STS: variants seen among roughly 807,000 people sequenced by gnomAD.
STS encodes the protein steroid sulfatase, also known as steryl-sulfatase.
STS carries 7 observed loss-of-function variants against 26.8 expected under a neutral mutation model. That is an observed-to-expected ratio of 0.26 (90% CI 0.15 to 0.49). STS has a LOEUF of 0.49. Ranked by LOEUF, STS falls within the 20% of genes least tolerant of loss-of-function variation. The pLI is 0.98. For synonymous variants in STS, 199 were observed against 189.4 expected, an observed-to-expected ratio of 1.05 and a Z score of -0.42; for missense variants, 434 against 465.6, an observed-to-expected ratio of 0.93 and a Z score of 0.63.
chrX:7,207,594 C>G (rs2147035445), intron 2 of STS, among the ~76,000 whole-genome samples: 1 of 111,450 alleles, frequency 9.0e-6, no homozygotes, highest in East Asian at 2.8e-4. Context: ...ATAACCAAGT[C>G]CCAGTAGGAA....
intron 6 of STS, among the ~76,000 whole-genome samples, chrX:7,271,566 T>A (rs1465608725): frequency 9.0e-6 from 1 of 111,031 alleles, no homozygotes; most frequent in African/African-American, 3.3e-5. Context: ...AGTCATCAGC[T>A]AGGATGACAA....
intron 2 of STS, among the ~76,000 whole-genome samples, chrX:7,220,579 C>A (rs1401483176): frequency 1.1e-5 from 1 of 88,231 alleles, no homozygotes; most frequent in Non-Finnish European, 2.1e-5. Flanking sequence ...GATGGAGTCT[C>A]GCTCTGTCTC....
rs139860511 is a variant in STS at position 7,222,901 on chromosome X, A to G, written c.-4-30295A>G. On this transcript the variant is annotated intron_variant, in intron 2 of 10. Coordinates refer to ENST00000674429, the MANE Select transcript of STS (RefSeq NM_001320752.2). Reference sequence around the variant, plus strand: ...AAGTAATTTTTCAACCCTCACTCCTATCTCACTGCCCACCTTTTATACTCT... The same window carrying G: ...AAGTAATTTTTCAACCCTCACTCCTGTCTCACTGCCCACCTTTTATACTCT... Among the ~76,000 whole-genome samples the G allele has an allele frequency of 4.0e-3, 445 of 111,511 alleles. 2 individuals are homozygous for G. Among genetic ancestry groups the G allele is most frequent in the African/African-American group, 0.014 (431 of 30,701 alleles).
In STS at chrX:7,279,309, A is replaced by G. The variant is rs866451411; in HGVS notation, c.943+3222A>G. Among the ~76,000 whole-genome samples, 63 of 34,256 alleles carry G rather than the reference A, an allele frequency of 1.8e-3. 2 individuals are homozygous for G. The highest frequency in any genetic ancestry group is 4.9e-3 in the African/African-American group (53 of 10,924). The allele number at this position is 34,256 out of a possible 115,157, so 29.7% of individuals were successfully genotyped here. A position where few individuals can be genotyped will look rare whatever the true frequency, so the allele number is the denominator to read the frequency against. ...AAAAAAAAAATATATATATATATAT[A>G]TATGTGTGTGTGTGTGTGTGTGTGT... On this transcript the variant is annotated intron_variant, in intron 7 of 10. Coordinates refer to ENST00000674429, the MANE Select transcript of STS (RefSeq NM_001320752.2).
At chrX:7,325,650 G>C (rs1927407886) in intron 9 of STS, 152 bp downstream of exon 9, 2 of 614,829 alleles carry the variant, frequency 3.3e-6, no homozygotes, top group Non-Finnish European at 5.4e-6. Context: ...CAATTAATAG[G>C]ATAAAAGGCA....
At chrX:7,149,020 G>A (rs1313988418) in intron 1 of STS, among the ~76,000 whole-genome samples, 1 of 109,613 alleles carries the variant, frequency 9.1e-6, no homozygotes, top group Non-Finnish European at 1.9e-5. Flanking sequence ...GTTCGTTTAT[G>A]TGGTATATTC....
chrX:7,156,748 C>G (rs1299206810), intron 1 of STS, among the ~76,000 whole-genome samples: 5 of 111,973 alleles, frequency 4.5e-5, no homozygotes, highest in African/African-American at 9.8e-5. Context: ...AAATGGGAAG[C>G]GAATGATAAT....
intron 8 of STS, among the ~76,000 whole-genome samples, chrX:7,314,850 G>A (rs1358034605): frequency 2.7e-5 from 3 of 112,093 alleles, no homozygotes; most frequent in Non-Finnish European, 5.6e-5. Context: ...ATGTGGCCAC[G>A]GTGGGTAACT....
intron 2 of STS, among the ~76,000 whole-genome samples, chrX:7,194,337 A>G (rs1241988139): frequency 1.8e-5 from 2 of 111,520 alleles, no homozygotes; most frequent in South Asian, 3.8e-4. Context: ...AATATTTTAC[A>G]TACCAGTCTT....
At chrX:7,306,692 G>T (rs1375472328) in intron 8 of STS, among the ~76,000 whole-genome samples, 1 of 111,722 alleles carries the variant, frequency 9.0e-6, no homozygotes, top group East Asian at 2.8e-4. Context: ...GCCTCACTTG[G>T]CTGAGGGGTT....
chrX:7,225,873 G>T (rs1003267602), intron 2 of STS, among the ~76,000 whole-genome samples: 4 of 112,043 alleles, frequency 3.6e-5, no homozygotes, highest in African/African-American at 1.3e-4. Flanking sequence ...CTGTCACCAT[G>T]AAGTCCTAGA....
At chrX:7,245,456 G>A (rs1271114048) in intron 2 of STS, among the ~76,000 whole-genome samples, 1 of 112,028 alleles carries the variant, frequency 8.9e-6, no homozygotes, top group Non-Finnish European at 1.9e-5. Flanking sequence ...TGCTCAACCA[G>A]CCCCTGCTCA....
At chrX:7,211,292 G>T (rs764034284) in intron 2 of STS, among the ~76,000 whole-genome samples, 2 of 111,762 alleles carry the variant, frequency 1.8e-5, no homozygotes, top group African/African-American at 6.5e-5. Context: ...TCAGGGGATC[G>T]CCAGGATGAA....
At chrX:7,204,913 C>G (rs890076165) in intron 2 of STS, among the ~76,000 whole-genome samples, 49 of 107,750 alleles carry the variant, frequency 4.5e-4, no homozygotes, top group African/African-American at 1.5e-3. Context: ...CGCTCTCTCT[C>G]TTGCTCCCTA....
intron 6 of STS, among the ~76,000 whole-genome samples, chrX:7,260,000 T>C (rs1417954193): frequency 9.0e-6 from 1 of 111,375 alleles, no homozygotes; most frequent in Non-Finnish European, 1.9e-5. Context: ...CTCAGCCTCC[T>C]GAGTAGCTGG....
chrX:7,217,623 C>T (rs1036277362), intron 2 of STS, among the ~76,000 whole-genome samples: 1 of 111,067 alleles, frequency 9.0e-6, no homozygotes, highest in African/African-American at 3.3e-5. Context: ...CTTACTGCTT[C>T]GGAGGTTTGT....
At chrX:7,173,800 T>C (rs920704421) in intron 1 of STS, among the ~76,000 whole-genome samples, 2 of 112,297 alleles carry the variant, frequency 1.8e-5, no homozygotes, top group Non-Finnish European at 3.8e-5. Flanking sequence ...GATCAACTCT[T>C]TTCTTTTTGG....
chrX:7,209,917 C>A (rs1235402229), intron 2 of STS, among the ~76,000 whole-genome samples: 1 of 111,362 alleles, frequency 9.0e-6, no homozygotes. Flanking sequence ...AGGATGACGG[C>A]TTCCAGCTTC....
Position 7,227,708 on chromosome X carries a change from T to G in STS, c.-4-25488T>G, listed in dbSNP as rs1453022937. 2.7e-5 allele frequency among the ~76,000 whole-genome samples: 3 copies of G among 111,787 alleles called. No individual in the cohort carries two copies. The Admixed American group carries it at 2.9e-4, about 11-fold the overall frequency. The stretch of plus-strand genomic sequence containing the variant: ...TTCCATGCAATATGTTTAAAAAATG[T>G]TTTTATTTGATAGTGATAAGAATAC... On this transcript the variant is annotated intron_variant, in intron 2 of 10. Coordinates refer to ENST00000674429, the MANE Select transcript of STS (RefSeq NM_001320752.2).
Sources: gnomAD v4.1 joint callset for allele counts (sites outside exome capture counted in the v4.1 genomes callset) on GRCh38, gnomAD v4.1.1 for gene constraint, MANE v1.5 for transcripts, NCBI Gene and HGNC (gene_info 2026-07-23, HGNC 2026-07-21) for gene names.